TENM4: variants seen among roughly 807,000 people sequenced by gnomAD.
TENM4 encodes teneurin-4.
TENM4 carries 82 observed loss-of-function variants against 243.3 expected under a neutral mutation model. That is an observed-to-expected ratio of 0.34 (90% CI 0.28 to 0.40). The LOEUF is 0.40. TENM4 is among the 10% of genes least tolerant of loss of function. TENM4 has a pLI of 1.00. For missense variants in TENM4, 3,138 were observed against 3,673.3 expected (o/e 0.85, Z 3.77); for synonymous variants, 1,412 against 1,456.3 (o/e 0.97, Z 0.69).
At position 78,688,234 on chromosome 11, in the gene TENM4, C is replaced by A; in HGVS notation, c.5088-8G>T. 6.2e-7 allele frequency: 1 copy of A among 1,612,106 alleles called. No individual in the cohort carries two copies. The highest frequency in any genetic ancestry group is 1.1e-5 in the South Asian group (1 of 90,668). On this transcript the variant is annotated splice_region_variant and splice_polypyrimidine_tract_variant and intron_variant, in intron 28 of 33. Transcript: ENST00000278550. ...CGGCCAAAGCTGTCGTACCTGGAAA[C>A]CAAGGGGTGGCACTGAGTAGTAGAA...
chr11:78,776,291 C>T (rs1237234509), intron 17 of TENM4, among the ~76,000 whole-genome samples: 1 of 152,144 alleles, frequency 6.6e-6, no homozygotes, highest in African/African-American at 2.4e-5. Flanking sequence ...TATAAGGCCC[C>T]AACAATCCAA....
At chr11:78,753,064 A>G (rs1050129942) in intron 19 of TENM4, among the ~76,000 whole-genome samples, 1 of 152,224 alleles carries the variant, frequency 6.6e-6, no homozygotes, top group African/African-American at 2.4e-5. Flanking sequence ...TGGAGCTCAT[A>G]TAAGTGAACA....
intron 6 of TENM4, among the ~76,000 whole-genome samples, chr11:78,927,957 C>T (rs1201998886): frequency 6.6e-6 from 1 of 152,136 alleles, no homozygotes; most frequent in East Asian, 1.9e-4. Flanking sequence ...TATGTTGTAG[C>T]CCACTAAGTC....
chr11:79,341,157 G>A (rs78761956), intron 1 of TENM4, among the ~76,000 whole-genome samples: 5 of 152,284 alleles, frequency 3.3e-5, no homozygotes, highest in East Asian at 1.9e-4. Flanking sequence ...CCCTGCCAAC[G>A]CCTTTACCCC....
At chr11:78,816,881 G>T (rs74841023) in intron 12 of TENM4, among the ~76,000 whole-genome samples, 2,613 of 152,254 alleles carry the variant, frequency 0.017, 106 homozygotes, top group African/African-American at 0.06. Flanking sequence ...CTGCCTGGAG[G>T]TAAGAAAACC....
intron 6 of TENM4, among the ~76,000 whole-genome samples, chr11:78,995,057 C>T (rs147925480): frequency 1.8e-4 from 28 of 152,236 alleles, no homozygotes; most frequent in African/African-American, 6.5e-4. Context: ...GCCAAGAGTG[C>T]TATCGGGTAA....
At chr11:79,040,115 T>C (rs1212133541) in intron 6 of TENM4, among the ~76,000 whole-genome samples, 8 of 152,038 alleles carry the variant, frequency 5.3e-5, no homozygotes, top group Admixed American at 5.2e-4. Flanking sequence ...CTCTATTCCC[T>C]TTTTTCTCCC....
At chr11:79,184,259 G>T (rs941851497) in intron 3 of TENM4, among the ~76,000 whole-genome samples, 1 of 152,156 alleles carries the variant, frequency 6.6e-6, no homozygotes, top group South Asian at 2.1e-4. Context: ...CTGGTTTCAT[G>T]GAAGACAATC....
intron 6 of TENM4, among the ~76,000 whole-genome samples, chr11:78,952,435 G>A (rs1323049038): frequency 6.6e-6 from 1 of 152,234 alleles, no homozygotes; most frequent in Non-Finnish European, 1.5e-5. Context: ...GGGGCTCTTT[G>A]AGAGGTAACA....
Position 79,438,546 on chromosome 11 carries a change from C to G in TENM4, c.-321+1963G>C, listed in dbSNP as rs1199539762. On this transcript the variant is annotated intron_variant, in intron 1 of 33. Transcript: ENST00000278550. This position sits in a 1 kb window ranked among gnomAD's most constrained non-coding sequence, Gnocchi z 4.1. ...CCCTCTAACCCCTCGCCAGCGTGGG[C>G]CTGGATGGCTGGGCTGCCTGGGCAT... Among the ~76,000 whole-genome samples the G allele has an allele frequency of 6.6e-6, 1 of 152,194 alleles. No homozygotes were observed. Among genetic ancestry groups the G allele is most frequent in the Non-Finnish European group, 1.5e-5 (1 of 68,036 alleles).
intron 6 of TENM4, among the ~76,000 whole-genome samples, chr11:78,929,523 C>G (rs1856625422): frequency 6.6e-6 from 1 of 152,166 alleles, no homozygotes; most frequent in African/African-American, 2.4e-5. Context: ...TACAATGGGG[C>G]TGCCTAGGTC....
chr11:78,941,263 A>C (rs1247012578), intron 6 of TENM4, among the ~76,000 whole-genome samples: 1 of 152,230 alleles, frequency 6.6e-6, no homozygotes, highest in East Asian at 1.9e-4. Context: ...AACTGCTGTG[A>C]AGATGAAATG....
At chr11:79,062,670 T>C (rs1454166869) in intron 6 of TENM4, among the ~76,000 whole-genome samples, 13 of 152,212 alleles carry the variant, frequency 8.5e-5, no homozygotes, top group Admixed American at 8.5e-4. Flanking sequence ...GCTAATTTCA[T>C]TTAAACTATT....
At chr11:78,992,193 T>C (rs965587180) in intron 6 of TENM4, among the ~76,000 whole-genome samples, 2 of 152,250 alleles carry the variant, frequency 1.3e-5, no homozygotes, top group African/African-American at 4.8e-5. Flanking sequence ...GAGCAGCTTC[T>C]AAGAGGACTT....
At chr11:79,289,123 G>T (rs972864775) in intron 2 of TENM4, among the ~76,000 whole-genome samples, 13 of 152,210 alleles carry the variant, frequency 8.5e-5, no homozygotes, top group African/African-American at 2.9e-4. Context: ...TTTCCTACAC[G>T]TGTAGAGGGC....
At chr11:79,427,332 C>A (rs1263425875) in intron 1 of TENM4, among the ~76,000 whole-genome samples, 1 of 152,098 alleles carries the variant, frequency 6.6e-6, no homozygotes, top group Non-Finnish European at 1.5e-5. Flanking sequence ...TTGATCTCAG[C>A]ATTATTTATG....
At chr11:79,096,938 A>AGTG (rs2137067438) in intron 4 of TENM4, 1 of 151,618 alleles carries the variant, frequency 6.6e-6, no homozygotes, top group African/African-American at 2.5e-5. Context: ...GCACACACAC[A>AGTG]CACACACACA....
At chr11:78,767,371 C>T (rs759658369) in intron 18 of TENM4, among the ~76,000 whole-genome samples, 1 of 152,206 alleles carries the variant, frequency 6.6e-6, no homozygotes, top group Non-Finnish European at 1.5e-5. Context: ...CAAGTTATTA[C>T]GCTCTCGTAA....
chr11:78,661,624 G>C, intron 32 of TENM4, 33 bp from the exon 33 acceptor site: 1 of 1,607,268 alleles, frequency 6.2e-7, no homozygotes, highest in Non-Finnish European at 8.5e-7. Context: ...CATCTCCATG[G>C]AGTGAGTGGA....
Sources: allele counts gnomAD v4.1 joint callset (sites outside exome capture counted in the v4.1 genomes callset), GRCh38; gene constraint gnomAD v4.1.1; non-coding constraint Gnocchi (gnomAD v3.1); transcripts MANE v1.5; gene names NCBI Gene and HGNC (gene_info 2026-07-23, HGNC 2026-07-21).